KCTD10: variants seen among roughly 807,000 people sequenced by gnomAD.
KCTD10 encodes the protein BTB/POZ domain-containing adapter for CUL3-mediated RhoA degradation protein 3.
In KCTD10, 13 loss-of-function variants were observed where a neutral mutation model predicts 34.6. That is an observed-to-expected ratio of 0.38 (90% CI 0.24 to 0.60). The LOEUF (loss-of-function observed/expected upper bound fraction) is 0.60, where lower values mean the gene tolerates loss of function less well. Among genes scored for constraint, KCTD10 ranks in the 20% least tolerant of loss-of-function variants. The probability of loss-of-function intolerance (pLI) is 0.66; values close to 1 mark genes in which losing one functional copy is unlikely to be tolerated. For missense variants in KCTD10, 256 were observed against 420.3 expected, an observed-to-expected ratio of 0.61 and a Z score of 3.42; for synonymous variants, 156 against 168.8, an observed-to-expected ratio of 0.92 and a Z score of 0.59.
intron 3 of KCTD10, 167 bp from the exon 4 acceptor site, chr12:109,458,245 AT>A (rs1421302080): frequency 2.2e-5 from 13 of 599,900 alleles, no homozygotes; most frequent in Non-Finnish European, 3.9e-5. Context: ...AGGGAGTTGA[AT>A]TTCCCAGTAA....
chr12:109,473,545 T>C (rs1329023212), intron 1 of KCTD10, among the ~76,000 whole-genome samples: 9 of 152,150 alleles, frequency 5.9e-5, no homozygotes, highest in Non-Finnish European at 1.0e-4. Context: ...GCCATCCTGA[T>C]CTAGAATGAG....
chr12:109,463,536 G>A (rs1191782557), intron 2 of KCTD10, among the ~76,000 whole-genome samples: 1 of 152,144 alleles, frequency 6.6e-6, no homozygotes, highest in South Asian at 2.1e-4. Flanking sequence ...CTGCTGCCAC[G>A]GGGCACGAGA....
intron 1 of KCTD10, among the ~76,000 whole-genome samples, chr12:109,476,847 C>T (rs1874347743): frequency 6.6e-6 from 1 of 152,132 alleles, no homozygotes; most frequent in Admixed American, 6.5e-5. Flanking sequence ...CCTGCCCATT[C>T]ATTCTCCTTC....
At chr12:109,453,578 A>G (rs1872880868) in intron 6 of KCTD10, among the ~76,000 whole-genome samples, 1 of 152,174 alleles carries the variant, frequency 6.6e-6, no homozygotes, top group Admixed American at 6.5e-5. Flanking sequence ...GAGGGAAGGA[A>G]CCTTCTTTTC....
chr12:109,470,878 ACT>A (rs1308383859), intron 1 of KCTD10: 1 of 165,884 alleles, frequency 6.0e-6, no homozygotes, highest in African/African-American at 2.4e-5. Flanking sequence ...GTCAGGAATC[ACT>A]GAGACCCAAT....
At chr12:109,470,050 G>A (rs1227453728) in intron 1 of KCTD10, 21 of 1,148,148 alleles carry the variant, frequency 1.8e-5, no homozygotes, top group Admixed American at 4.3e-5. Flanking sequence ...CCTGCCTGTC[G>A]ACCCTGCAGG....
chr12:109,460,996 G>T lies in KCTD10; in HGVS notation c.218-191C>A, dbSNP rs1400129319. The stretch of plus-strand genomic sequence containing the variant: ...CCCCCACAGCCTCCAGGCCCTACTG[G>T]CTGGACACAACCATAACCCCAGGTG... On this transcript the variant is annotated intron_variant, in intron 2 of 6. Coordinates refer to ENST00000228495, the MANE Select transcript of KCTD10 (RefSeq NM_031954.5). This position sits in a 1 kb window ranked among gnomAD's most constrained non-coding sequence, Gnocchi z 4.5. 6.6e-6 allele frequency among the ~76,000 whole-genome samples: 1 copy of T among 152,150 alleles called. No homozygotes were observed. Among genetic ancestry groups the T allele is most frequent in the Non-Finnish European group, 1.5e-5 (1 of 68,032 alleles).
In KCTD10 at chr12:109,456,109, G is replaced by T. The variant is rs1050181037; in HGVS notation, c.723+9C>A. On this transcript the variant is annotated intron_variant, in intron 6 of 6. Coordinates refer to ENST00000228495, the MANE Select transcript of KCTD10 (RefSeq NM_031954.5). ...CAGCCACTCCAAACTGTCCTCTCGA[G>T]GCTCTTACCTTGGTCTGTTTCTTCT... The T allele has an allele frequency of 6.2e-7, 1 of 1,613,934 alleles. No individual in the cohort carries two copies. The highest frequency in any genetic ancestry group is 8.5e-7 in the Non-Finnish European group (1 of 1,179,972).
At chr12:109,455,736 T>G (rs191951232) in intron 6 of KCTD10, among the ~76,000 whole-genome samples, 1 of 152,054 alleles carries the variant, frequency 6.6e-6, no homozygotes, top group South Asian at 2.1e-4. Context: ...CAAATTCAAT[T>G]AAGGGGGGGC....
At chr12:109,476,101 G>C (rs1248272508) in intron 1 of KCTD10, among the ~76,000 whole-genome samples, 2 of 152,140 alleles carry the variant, frequency 1.3e-5, no homozygotes, top group Non-Finnish European at 2.9e-5. Context: ...CCCTTGCAGG[G>C]CTTGTTAAAA....
At chr12:109,461,988 C>T (rs569477436) in intron 2 of KCTD10, among the ~76,000 whole-genome samples, 16 of 102,024 alleles carry the variant, frequency 1.6e-4, no homozygotes, top group African/African-American at 6.4e-4. Flanking sequence ...CCCTGTTCCA[C>T]TCCTAACAAT....
chr12:109,457,093 T>G (rs999179581), intron 5 of KCTD10: 2 of 155,568 alleles, frequency 1.3e-5, no homozygotes, highest in East Asian at 3.8e-4. Context: ...GAAGTATTGA[T>G]TCATGCTACA....
At chr12:109,472,858 C>G (rs1292668823) in intron 1 of KCTD10, among the ~76,000 whole-genome samples, 1 of 152,172 alleles carries the variant, frequency 6.6e-6, no homozygotes, top group Non-Finnish European at 1.5e-5. Flanking sequence ...CTTTCCAATA[C>G]CTTTTTAAAG....
Position 109,449,284 on chromosome 12 carries a change from A to G in KCTD10, c.*2311T>C, listed in dbSNP as rs1344146254. On this transcript the variant is annotated 3_prime_UTR_variant, in exon 7 of 7. Coordinates refer to ENST00000228495, the MANE Select transcript of KCTD10 (RefSeq NM_031954.5). Reference sequence around the variant, plus strand: ...AGAATTGTTCACCATGGAATGTTTTATAAACCTGTTCATATTCCAGAGAGA... The same window carrying G: ...AGAATTGTTCACCATGGAATGTTTTGTAAACCTGTTCATATTCCAGAGAGA... The G allele has an allele frequency of 4.6e-5, 7 of 152,254 alleles. No individual in the cohort carries two copies. Among genetic ancestry groups the G allele is most frequent in the Non-Finnish European group, 5.9e-5 (4 of 68,044 alleles). 9.4% of individuals were successfully genotyped at this position (152,254 alleles called of 1,614,324 possible).
intron 6 of KCTD10, among the ~76,000 whole-genome samples, chr12:109,453,781 A>G (rs919316540): frequency 7.9e-5 from 12 of 152,202 alleles, no homozygotes; most frequent in African/African-American, 1.2e-4. Flanking sequence ...TGCGGAGAAG[A>G]GGAGCTTGAG....
In KCTD10 at chr12:109,462,980, T is replaced by C. The variant is rs540036645; in HGVS notation, c.218-2175A>G. ...TATTATCTTTCTACCAGTTCTTTTT[T>C]GAGGGGAGCTCATTCCCTTGCATTT... On this transcript the variant is annotated intron_variant, in intron 2 of 6. Transcript: ENST00000228495. Among the ~76,000 whole-genome samples, 40 of 152,238 alleles carry C rather than the reference T, an allele frequency of 2.6e-4. No individual in the cohort carries two copies. The South Asian group carries it at 2.7e-3, about 10-fold the overall frequency.
chr12:109,464,862 TA>T (rs557494830), intron 2 of KCTD10: 73 of 455,994 alleles, frequency 1.6e-4, no homozygotes, highest in South Asian at 6.4e-4. Context: ...GAAGTTGCCA[TA>T]ACCACTCCAG....
At position 109,450,004 on chromosome 12, in the gene KCTD10, C is replaced by T; in HGVS notation, c.*1591G>A. On this transcript the variant is annotated 3_prime_UTR_variant, in exon 7 of 7. Coordinates refer to ENST00000228495, the MANE Select transcript of KCTD10 (RefSeq NM_031954.5). ...TTTTAAAGTTTTATTGTAGACTTTG[C>T]TGTTGGATACAAAATGAAGGCATAC... 2.9e-6 allele frequency: 1 copy of T among 339,912 alleles called. No homozygotes were observed. The highest frequency in any genetic ancestry group is 5.3e-6 in the Non-Finnish European group (1 of 189,202). 21.1% of individuals were successfully genotyped at this position (339,912 alleles called of 1,614,324 possible). A position where few individuals can be genotyped will look rare whatever the true frequency, so the allele number is the denominator to read the frequency against.
chr12:109,476,650 C>G (rs1874311419), intron 1 of KCTD10, among the ~76,000 whole-genome samples: 1 of 152,104 alleles, frequency 6.6e-6, no homozygotes, highest in African/African-American at 2.4e-5. Flanking sequence ...GCATCTCTCC[C>G]CAGGATTCCA....
Sources: gnomAD v4.1 joint callset for allele counts (sites outside exome capture counted in the v4.1 genomes callset) on GRCh38, gnomAD v4.1.1 for gene constraint, Gnocchi (gnomAD v3.1) non-coding constraint, MANE v1.5 for transcripts, NCBI Gene and HGNC (gene_info 2026-07-23, HGNC 2026-07-21) for gene names.